Variants in WWC2 observed in about 807,000 individuals in gnomAD.
The protein encoded by WWC2 is WW and C2 domain containing 2, also known as protein WWC2.
In WWC2, 101 loss-of-function variants were observed where a neutral mutation model predicts 138.5. That is an observed-to-expected ratio of 0.73 (90% CI 0.62 to 0.86). The LOEUF (loss-of-function observed/expected upper bound fraction) is 0.86. Among genes scored for constraint, WWC2 ranks in the 40% least tolerant of loss-of-function variants. The pLI is 0.00. For synonymous variants in WWC2, 558 were observed against 538.4 expected (o/e 1.04, Z -0.50); for missense variants, 1,420 against 1,419.4 (o/e 1.00, Z -0.01).
intron 1 of WWC2, among the ~76,000 whole-genome samples, chr4:183,124,366 T>C (rs1361662205): frequency 2.0e-5 from 3 of 151,948 alleles, no homozygotes; most frequent in African/African-American, 7.2e-5. Flanking sequence ...CTTTTTTCTT[T>C]TTTTTTTCCT....
At chr4:183,119,738 G>A (rs890638549) in intron 1 of WWC2, among the ~76,000 whole-genome samples, 7 of 152,196 alleles carry the variant, frequency 4.6e-5, no homozygotes, top group Admixed American at 4.6e-4. Context: ...TGAGTTATGG[G>A]TGGGAACTTA....
chr4:183,143,562 C>G (rs1733364716), intron 1 of WWC2, among the ~76,000 whole-genome samples: 1 of 152,026 alleles, frequency 6.6e-6, no homozygotes, highest in Non-Finnish European at 1.5e-5. Context: ...AATCCCAGCA[C>G]TTTGGGAGGC....
intron 21 of WWC2, among the ~76,000 whole-genome samples, chr4:183,305,999 G>A (rs1739014097): frequency 6.6e-6 from 1 of 152,156 alleles, no homozygotes; most frequent in Non-Finnish European, 1.5e-5. Context: ...AGGGAAGAAT[G>A]AGGGATATTT....
chr4:183,138,268 T>C (rs17355571), intron 1 of WWC2, among the ~76,000 whole-genome samples: 6,447 of 152,282 alleles, frequency 0.042, 168 homozygotes, highest in African/African-American at 0.069. Flanking sequence ...CTGGGATGGA[T>C]GTGAGTATTA....
Position 183,319,389 on chromosome 4 carries a change from G to T in WWC2, c.*3660G>T. ...GATTGATTTTGGTCTCAGACTAGAA[G>T]ATAAAAATGGTTTACCAGTCTTGGA... On this transcript the variant is annotated 3_prime_UTR_variant, in exon 23 of 23. Coordinates refer to ENST00000403733, the MANE Select transcript of WWC2 (RefSeq NM_024949.6). 8.0e-6 allele frequency: 6 copies of T among 747,392 alleles called. No homozygotes were observed. Among genetic ancestry groups the T allele is most frequent in the Non-Finnish European group, 6.5e-6 (3 of 458,530 alleles). 46.3% of individuals were successfully genotyped at this position (747,392 alleles called of 1,614,324 possible).
At chr4:183,118,917 C>CTTT (rs1219874577) in intron 1 of WWC2, among the ~76,000 whole-genome samples, 7 of 145,896 alleles carry the variant, frequency 4.8e-5, no homozygotes, top group Non-Finnish European at 7.6e-5. Context: ...AATATCTCAA[C>CTTT]TTTTTTTTTT....
At chr4:183,285,866 C>A in intron 19 of WWC2, 101 bp from the exon 20 acceptor site, 1 of 1,076,550 alleles carries the variant, frequency 9.3e-7, no homozygotes, top group Non-Finnish European at 1.4e-6. Context: ...AAACTCTTAA[C>A]TATGACTACC....
At chr4:183,272,505 C>T (rs1737722854) in intron 16 of WWC2, among the ~76,000 whole-genome samples, 1 of 152,190 alleles carries the variant, frequency 6.6e-6, no homozygotes, top group Admixed American at 6.5e-5. Flanking sequence ...AGGATATTCA[C>T]AGAGTTGTGT....
intron 5 of WWC2, among the ~76,000 whole-genome samples, chr4:183,244,578 T>TAGAG (rs1356066685): frequency 2.0e-5 from 3 of 150,668 alleles, no homozygotes; most frequent in African/African-American, 7.5e-5. Flanking sequence ...ATTATATATA[T>TAGAG]ATATATAGAG....
chr4:183,247,634 A>G (rs1040010882), intron 6 of WWC2, among the ~76,000 whole-genome samples: 1 of 139,820 alleles, frequency 7.2e-6, no homozygotes, highest in South Asian at 2.2e-4. Flanking sequence ...TATATACTAT[A>G]TATACTATAT....
intron 21 of WWC2, among the ~76,000 whole-genome samples, chr4:183,310,667 A>ATTTT (rs33923162): frequency 3.1e-5 from 4 of 130,966 alleles, no homozygotes; most frequent in African/African-American, 2.9e-5. Flanking sequence ...CACCTAGCTA[A>ATTTT]TTTTTTTTTT....
At chr4:183,112,905 G>T (rs1295980502) in intron 1 of WWC2, among the ~76,000 whole-genome samples, 1 of 151,948 alleles carries the variant, frequency 6.6e-6, no homozygotes, top group Non-Finnish European at 1.5e-5. Context: ...AGAAGTACTA[G>T]CCCTGTGCTT....
intron 20 of WWC2, 149 bp from the exon 21 acceptor site, chr4:183,289,244 A>G (rs1347516150): frequency 6.6e-6 from 8 of 1,217,188 alleles, no homozygotes; most frequent in African/African-American, 1.5e-5. Context: ...CTCACCTGCC[A>G]TGGGCCAGAG....
chr4:183,101,415 A>G (rs1342051966), intron 1 of WWC2, among the ~76,000 whole-genome samples: 1 of 152,236 alleles, frequency 6.6e-6, no homozygotes, highest in Admixed American at 6.5e-5. Flanking sequence ...AACTGGATAA[A>G]CAATTCATTG....
intron 4 of WWC2, among the ~76,000 whole-genome samples, chr4:183,227,371 C>T (rs116054616): frequency 6.6e-6 from 1 of 151,992 alleles, no homozygotes; most frequent in Admixed American, 6.6e-5. Flanking sequence ...AATACACCTT[C>T]AACTAGTGCT....
At chr4:183,276,874 G>A (rs767222683) in intron 16 of WWC2, among the ~76,000 whole-genome samples, 56 of 151,996 alleles carry the variant, frequency 3.7e-4, no homozygotes, top group African/African-American at 9.2e-4. Flanking sequence ...TTCTTTGAAC[G>A]TATTAAAAAT....
intron 4 of WWC2, among the ~76,000 whole-genome samples, chr4:183,239,885 T>A (rs772345955): frequency 3.9e-5 from 6 of 152,178 alleles, no homozygotes; most frequent in Non-Finnish European, 8.8e-5. Flanking sequence ...TGCCATGACT[T>A]GGAGTTCTTA....
intron 21 of WWC2, among the ~76,000 whole-genome samples, chr4:183,290,752 C>G (rs1056056711): frequency 6.6e-6 from 1 of 152,136 alleles, no homozygotes; most frequent in African/African-American, 2.4e-5. Flanking sequence ...CTATCAGTCC[C>G]TTTGGATGGG....
chr4:183,274,046 T>C (rs752914117), intron 16 of WWC2, among the ~76,000 whole-genome samples: 11 of 152,214 alleles, frequency 7.2e-5, no homozygotes, highest in Non-Finnish European at 1.2e-4. Flanking sequence ...TGAGGGTTTA[T>C]ATTTCTGGAC....
Sources: allele counts gnomAD v4.1 joint callset (sites outside exome capture counted in the v4.1 genomes callset), GRCh38; gene constraint gnomAD v4.1.1; transcripts MANE v1.5; gene names NCBI Gene and HGNC (gene_info 2026-07-23, HGNC 2026-07-21).